The following CLNK variants were observed in gnomAD, a reference collection of about 807,000 sequenced individuals.
CLNK encodes cytokine-dependent hematopoietic cell linker.
CLNK carries 74 observed loss-of-function variants against 68.6 expected under a neutral mutation model. The ratio of observed to expected loss-of-function variants is 1.08; its 90% CI spans 0.89 to 1.31. The LOEUF is 1.31. CLNK is among the 50% of genes most tolerant of loss of function. The probability of loss-of-function intolerance (pLI) is 0.00; values close to 1 mark genes in which losing one functional copy is unlikely to be tolerated. For synonymous variants in CLNK, 198 were observed against 172.2 expected, an observed-to-expected ratio of 1.15 and a Z score of -1.17; for missense variants, 553 against 515.3, an observed-to-expected ratio of 1.07 and a Z score of -0.71.
intron 18 of CLNK, among the ~76,000 whole-genome samples, chr4:10,500,672 C>CAA (rs11370372): frequency 0.023 from 3,266 of 141,206 alleles, 47 homozygotes; most frequent in South Asian, 0.051. Flanking sequence ...GTCTCTGTCT[C>CAA]AAAAAAAAAA....
chr4:10,532,084 C>T (rs1718566694), intron 12 of CLNK, 172 bp downstream of exon 12: 1 of 671,486 alleles, frequency 1.5e-6, no homozygotes, highest in Non-Finnish European at 2.7e-6. Context: ...TGGAGCTAAG[C>T]TTGTTTTACT....
chr4:10,695,523 A>T, the CLNK span, among the ~76,000 whole-genome samples: 1 of 152,036 alleles, frequency 6.6e-6, no homozygotes, highest in African/African-American at 2.4e-5. Flanking sequence ...CTCAAGCTAA[A>T]CTCAGTGGCC....
At chr4:10,689,629 A>G (rs1725390127), upstream of CLNK, among the ~76,000 whole-genome samples, 1 of 152,108 alleles carries the variant, frequency 6.6e-6, no homozygotes, top group South Asian at 2.1e-4. Flanking sequence ...TTACACAAAC[A>G]TAGACCCTCA....
intron 1 of CLNK, among the ~76,000 whole-genome samples, chr4:10,679,186 G>A (rs1697406923): frequency 6.6e-6 from 1 of 152,086 alleles, no homozygotes; most frequent in Non-Finnish European, 1.5e-5. Context: ...CAATGGAACA[G>A]AACAGAGCCC....
At chr4:10,579,952 T>A (rs1186449285) in intron 4 of CLNK, among the ~76,000 whole-genome samples, 5 of 152,200 alleles carry the variant, frequency 3.3e-5, no homozygotes. Context: ...TCCAGCCTCC[T>A]CCTATAAGCA....
chr4:10,511,950 A>T (rs58994916), intron 16 of CLNK, among the ~76,000 whole-genome samples: 11,003 of 152,292 alleles, frequency 0.072, 468 homozygotes, highest in Admixed American at 0.1. Context: ...TAGTGATATA[A>T]AGTGAAAACA....
chr4:10,732,415 A>T, the CLNK span, among the ~76,000 whole-genome samples: 9 of 152,216 alleles, frequency 5.9e-5, no homozygotes, highest in Non-Finnish European at 1.0e-4. Context: ...TCTTAATGAC[A>T]AGTGAAAAAG....
At chr4:10,540,322 A>G (rs563974677) in intron 11 of CLNK, among the ~76,000 whole-genome samples, 172 bp downstream of exon 11, 1 of 151,552 alleles carries the variant, frequency 6.6e-6, no homozygotes, top group East Asian at 1.9e-4. Flanking sequence ...GGTCAATTAA[A>G]CCTCTTTTCT....
At chr4:10,691,440 T>G in the CLNK span, among the ~76,000 whole-genome samples, 1 of 151,974 alleles carries the variant, frequency 6.6e-6, no homozygotes, top group South Asian at 2.1e-4. Flanking sequence ...CCAAGGTGAG[T>G]AGGGAAAAGA....
chr4:10,503,242 C>G (rs1437766424), intron 17 of CLNK, among the ~76,000 whole-genome samples: 1 of 152,070 alleles, frequency 6.6e-6, no homozygotes, highest in Non-Finnish European at 1.5e-5. Flanking sequence ...GGGTGGATCA[C>G]TTGAGGTCAG....
intron 3 of CLNK, among the ~76,000 whole-genome samples, chr4:10,596,891 G>C (rs957099532): frequency 6.6e-6 from 1 of 152,144 alleles, no homozygotes; most frequent in African/African-American, 2.4e-5. Context: ...CCATCTGAAA[G>C]AGGGCTTCTA....
chr4:10,729,789 C>A, the CLNK span, among the ~76,000 whole-genome samples: 3 of 152,162 alleles, frequency 2.0e-5, no homozygotes, highest in Admixed American at 2.0e-4. Flanking sequence ...GTATAATTAC[C>A]TGCCCATTAA....
At chr4:10,672,329 AGTTT>A (rs1279682984) in intron 1 of CLNK, among the ~76,000 whole-genome samples, 23 of 152,168 alleles carry the variant, frequency 1.5e-4, no homozygotes, top group African/African-American at 5.3e-4. Flanking sequence ...TGAACAGGTG[AGTTT>A]GTTTCTCACA....
rs370398328 is a variant in CLNK at position 10,653,236 on chromosome 4, T to C, written c.11+14623A>G. ...GGATAGAATTAGGAGAAATACCCAATGTAGATGACAGGTTGATGGGTGCAG... is the reference window on the plus strand; with the variant it reads ...GGATAGAATTAGGAGAAATACCCAACGTAGATGACAGGTTGATGGGTGCAG... On this transcript the variant is annotated intron_variant, in intron 2 of 18. Transcript: ENST00000226951. Among the ~76,000 whole-genome samples, 109 of 152,132 alleles carry C rather than the reference T, an allele frequency of 7.2e-4. No homozygotes were observed. The East Asian group carries it at 0.013, about 18-fold the overall frequency.
At chr4:10,508,708 T>C (rs1313014633) in intron 16 of CLNK, among the ~76,000 whole-genome samples, 1 of 152,124 alleles carries the variant, frequency 6.6e-6, no homozygotes, top group East Asian at 1.9e-4. Context: ...ATCTATAAGG[T>C]CCTTCCTCAT....
At chr4:10,558,095 G>T (rs888046409) in intron 8 of CLNK, among the ~76,000 whole-genome samples, 9 of 152,252 alleles carry the variant, frequency 5.9e-5, no homozygotes, top group African/African-American at 9.6e-5. Flanking sequence ...TTTTCTGGGG[G>T]TATGCTTGGA....
intron 3 of CLNK, among the ~76,000 whole-genome samples, chr4:10,590,421 T>C (rs761125304): frequency 2.0e-5 from 3 of 152,170 alleles, no homozygotes; most frequent in Non-Finnish European, 4.4e-5. Context: ...GGGATTTGGT[T>C]CTGTCTCCAG....
chr4:10,585,081 G>A (rs997962109), intron 3 of CLNK, 126 bp from the exon 4 acceptor site: 21 of 805,590 alleles, frequency 2.6e-5, no homozygotes, highest in Non-Finnish European at 4.4e-5. Context: ...CTTTATGTAT[G>A]TACTATTGTA....
At chr4:10,528,904 T>G (rs1012710340) in intron 12 of CLNK, among the ~76,000 whole-genome samples, 2 of 152,226 alleles carry the variant, frequency 1.3e-5, no homozygotes, top group African/African-American at 4.8e-5. Flanking sequence ...CCCAAACATT[T>G]TCTTTCTCTT....
Sources: allele counts gnomAD v4.1 joint callset (sites outside exome capture counted in the v4.1 genomes callset), GRCh38; gene constraint gnomAD v4.1.1; transcripts MANE v1.5; gene names NCBI Gene and HGNC (gene_info 2026-07-23, HGNC 2026-07-21).